The following NALF1 variants were observed in gnomAD, a reference collection of about 807,000 sequenced individuals.
NALF1 encodes family with sequence similarity 155 member A.
A neutral mutation model predicts 48.4 loss-of-function variants in NALF1; 3 were observed. That is an observed-to-expected ratio of 0.06 (90% CI 0.03 to 0.16). NALF1 has a LOEUF of 0.16. NALF1 is among the 10% of genes least tolerant of loss of function. The pLI is 1.00. For missense variants in NALF1, 526 were observed against 571.5 expected (o/e 0.92, Z 0.81); for synonymous variants, 262 against 245.7 (o/e 1.07, Z -0.62).
chr13:107,830,254 T>A lies in NALF1; in HGVS notation c.915+35428A>T, dbSNP rs577401855. 7.2e-5 allele frequency among the ~76,000 whole-genome samples: 11 copies of A among 152,356 alleles called. No individual in the cohort carries two copies. In the South Asian group the frequency reaches 2.3e-3, roughly 32 times the overall value. On this transcript the variant is annotated intron_variant, in intron 1 of 2. Transcript: ENST00000375915. ...CTGTCTTCCAAAGGCCAATCACCAC[T>A]GTATCCTTCGTTCCTTTAAATGTCG...
intron 1 of NALF1, among the ~76,000 whole-genome samples, chr13:107,562,468 T>C (rs1877675599): frequency 1.3e-5 from 2 of 152,322 alleles, no homozygotes; most frequent in Middle Eastern, 6.8e-3. Context: ...CCTCCTCTCC[T>C]GCTTTGTATG....
intron 1 of NALF1, among the ~76,000 whole-genome samples, chr13:107,492,919 TA>T (rs1437615854): frequency 5.3e-5 from 8 of 152,174 alleles, no homozygotes; most frequent in African/African-American, 1.9e-4. Context: ...ACAGGGATAT[TA>T]ATATGTAGAA....
intron 1 of NALF1, among the ~76,000 whole-genome samples, chr13:107,648,725 G>GT (rs1245175450): frequency 6.6e-6 from 1 of 151,996 alleles, no homozygotes; most frequent in African/African-American, 2.4e-5. Context: ...AGTTAATATG[G>GT]TAAAAATGTT....
chr13:107,414,654 T>C (rs1884053723), intron 1 of NALF1, among the ~76,000 whole-genome samples: 1 of 151,946 alleles, frequency 6.6e-6, no homozygotes, highest in Non-Finnish European at 1.5e-5. Context: ...AATAATATTT[T>C]CCATCTTCCT....
At chr13:107,217,770 GAC>G (rs1879905204) in intron 1 of NALF1, among the ~76,000 whole-genome samples, 1 of 152,014 alleles carries the variant, frequency 6.6e-6, no homozygotes, top group Non-Finnish European at 1.5e-5. Context: ...GATTTCTACT[GAC>G]ACCAGTGCTG....
At chr13:107,319,569 G>A (rs1882215048) in intron 1 of NALF1, among the ~76,000 whole-genome samples, 1 of 151,864 alleles carries the variant, frequency 6.6e-6, no homozygotes, top group Non-Finnish European at 1.5e-5. Context: ...GTTCTTAGAG[G>A]TTCATAAATA....
At position 107,301,099 on chromosome 13, in the gene NALF1, T is replaced by C. The variant is rs111583698; in HGVS notation, c.916-90344A>G. On this transcript the variant is annotated intron_variant, in intron 1 of 2. Transcript: ENST00000375915. ...TTTTTATGTATGTTGTATTGTAAAT[T>C]ATGTTTTTCATTTTTTGTACAAATT... 4.3e-3 allele frequency among the ~76,000 whole-genome samples: 654 copies of C among 152,306 alleles called. 6 individuals carry two copies. The highest frequency in any genetic ancestry group is 0.015 in the African/African-American group (620 of 41,566).
intron 1 of NALF1, among the ~76,000 whole-genome samples, chr13:107,602,756 C>T (rs1337012895): frequency 6.6e-6 from 1 of 152,174 alleles, no homozygotes; most frequent in Non-Finnish European, 1.5e-5. Flanking sequence ...CTTATATTTG[C>T]TAGTTTTCAT....
In NALF1 at chr13:107,828,604, T is replaced by TACACAC. The variant is rs1879601077; in HGVS notation, c.915+37077_915+37078insGTGTGT. Among the ~76,000 whole-genome samples the TACACAC allele has an allele frequency of 1.1e-4, 3 of 27,226 alleles. No homozygotes were observed. The Admixed American group carries it at 1.8e-3, about 16-fold the overall frequency. 17.9% of individuals were successfully genotyped at this position (27,226 alleles called of 152,430 possible). ...CTATCTATCTATCTATATCTATATCTATACACACACACACACACACACACA... is the reference window on the plus strand; with the variant it reads ...CTATCTATCTATCTATATCTATATCTACACACATACACACACACACACACACACACA... On this transcript the variant is annotated intron_variant, in intron 1 of 2. Transcript: ENST00000375915.
intron 1 of NALF1, among the ~76,000 whole-genome samples, chr13:107,832,811 GTCTCC>G (rs1240967223): frequency 6.6e-6 from 1 of 152,166 alleles, no homozygotes; most frequent in African/African-American, 2.4e-5. Flanking sequence ...CAGTGCTGCT[GTCTCC>G]TGACCCCCAG....
chr13:107,438,835 A>AAAAAAAAAAAAAAAAAG, intron 1 of NALF1, among the ~76,000 whole-genome samples: 1 of 146,868 alleles, frequency 6.8e-6, no homozygotes, highest in Non-Finnish European at 1.5e-5. Context: ...CTCAAAAAAA[A>AAAAAAAAAAAAAAAAAG]AAAAAAAAAA....
At chr13:107,419,434 AT>A (rs1274129681) in intron 1 of NALF1, among the ~76,000 whole-genome samples, 2 of 152,330 alleles carry the variant, frequency 1.3e-5, no homozygotes, top group Non-Finnish European at 2.9e-5. Context: ...AGAAAATGAG[AT>A]ATAAGTTTTG....
At chr13:107,772,940 A>C (rs1000772467) in intron 1 of NALF1, among the ~76,000 whole-genome samples, 1 of 152,278 alleles carries the variant, frequency 6.6e-6, no homozygotes, top group South Asian at 2.1e-4. Context: ...GCAATGTAAA[A>C]TTTCAGGATA....
chr13:107,774,001 T>G (rs926573865), intron 1 of NALF1, among the ~76,000 whole-genome samples: 1 of 148,966 alleles, frequency 6.7e-6, no homozygotes, highest in Non-Finnish European at 1.5e-5. Flanking sequence ...TGATCAAGTA[T>G]TTTAAACTAT....
At chr13:107,646,691 T>C (rs1880322887) in intron 1 of NALF1, among the ~76,000 whole-genome samples, 1 of 152,116 alleles carries the variant, frequency 6.6e-6, no homozygotes, top group South Asian at 2.1e-4. Flanking sequence ...CATCAATCAA[T>C]TTGATGAGAC....
At chr13:107,792,357 G>A (rs1039028231) in intron 1 of NALF1, among the ~76,000 whole-genome samples, 1 of 152,028 alleles carries the variant, frequency 6.6e-6, no homozygotes, top group African/African-American at 2.4e-5. Flanking sequence ...CCACTTTTCA[G>A]GAGAACTAAA....
intron 1 of NALF1, among the ~76,000 whole-genome samples, chr13:107,843,739 A>C (rs79571227): frequency 0.019 from 2,906 of 152,248 alleles, 50 homozygotes; most frequent in African/African-American, 0.046. Flanking sequence ...GGAGGCCAGA[A>C]TGACCAAAAA....
chr13:107,327,459 C>A (rs564265253), intron 1 of NALF1, among the ~76,000 whole-genome samples: 1 of 152,120 alleles, frequency 6.6e-6, no homozygotes, highest in Non-Finnish European at 1.5e-5. Context: ...CTATAATGGG[C>A]GATATTCTAA....
intron 1 of NALF1, among the ~76,000 whole-genome samples, chr13:107,442,209 A>C (rs1387314490): frequency 6.6e-6 from 1 of 152,146 alleles, no homozygotes; most frequent in East Asian, 1.9e-4. Context: ...GCAAGAGACT[A>C]TGAGCCTTGC....
Sources: allele counts gnomAD v4.1 joint callset (sites outside exome capture counted in the v4.1 genomes callset), GRCh38; gene constraint gnomAD v4.1.1; transcripts MANE v1.5; gene names NCBI Gene and HGNC (gene_info 2026-07-23, HGNC 2026-07-21).